MICAL2: variants seen among roughly 807,000 people sequenced by gnomAD.
MICAL2 encodes the protein microtubule associated monooxygenase, calponin and LIM domain containing 2.
MICAL2 carries 77 observed loss-of-function variants against 127.3 expected under a neutral mutation model. The observed-to-expected ratio is 0.60, with a 90% CI of 0.50 to 0.73. MICAL2 has a LOEUF of 0.73. MICAL2 is among the 30% of genes least tolerant of loss of function. MICAL2 has a pLI of 0.00. For synonymous variants in MICAL2, 570 were observed against 551.1 expected (o/e 1.03, Z -0.48); for missense variants, 1,351 against 1,434.4 (o/e 0.94, Z 0.94).
chr11:12,216,426 G>A (rs1339667909), intron 8 of MICAL2, 107 bp downstream of exon 8: 7 of 833,914 alleles, frequency 8.4e-6, no homozygotes, highest in South Asian at 1.5e-5. Flanking sequence ...AGGGGAGGAG[G>A]GGGGAAGGTG....
rs1857056125 is a variant in MICAL2, at chr11:12,223,428, C to T, written c.1467C>T (p.Ile489=). 6.2e-7 allele frequency: 1 copy of T among 1,613,956 alleles called. No homozygotes were observed. The change falls in exon 12 of 28, where the codon ATC becomes ATT. Residue 489 remains isoleucine (I), a synonymous_variant. Coordinates refer to ENST00000683283, the MANE Select transcript of MICAL2 (RefSeq NM_001282663.2). ...VRPHQVKHLY[I]TKELEHYPLE... ...GCTCATAGGTGAAGCATTTGTATATCACTAAGGAGCTGGAGCACTACCCTC... is the reference window on the plus strand; with the variant it reads ...GCTCATAGGTGAAGCATTTGTATATTACTAAGGAGCTGGAGCACTACCCTC...
intron 1 of MICAL2, among the ~76,000 whole-genome samples, chr11:12,118,737 C>G (rs879307744): frequency 6.6e-6 from 1 of 152,150 alleles, no homozygotes; most frequent in Admixed American, 6.5e-5. Context: ...GTTAATGAAT[C>G]CTAGTATTTT....
downstream of MICAL2, chr11:12,293,550 A>C (rs745998562): frequency 6.4e-7 from 1 of 1,571,052 alleles, no homozygotes; most frequent in Admixed American, 1.9e-5. Flanking sequence ...ATTTTTGCCC[A>C]TCCCATCTAG....
At chr11:12,234,526 T>C (rs1858754279) in intron 15 of MICAL2, among the ~76,000 whole-genome samples, 1 of 152,232 alleles carries the variant, frequency 6.6e-6, no homozygotes, top group Admixed American at 6.5e-5. Flanking sequence ...TTAAAATCTT[T>C]TCCATTCACA....
At chr11:12,289,561 T>G (rs1205806683), downstream of MICAL2, among the ~76,000 whole-genome samples, 34 of 116,476 alleles carry the variant, frequency 2.9e-4, no homozygotes, top group Admixed American at 1.0e-3. Flanking sequence ...CTCTTGTTTT[T>G]TTTTGTTTTT....
intron 1 of MICAL2, among the ~76,000 whole-genome samples, chr11:12,132,535 A>C (rs539581437): frequency 4.1e-4 from 62 of 152,376 alleles, no homozygotes; most frequent in Admixed American, 3.2e-3. Flanking sequence ...ATAATCCCCC[A>C]TGACTGGGGC....
upstream of MICAL2, among the ~76,000 whole-genome samples, chr11:12,271,091 G>A (rs747840274): frequency 7.2e-5 from 11 of 152,172 alleles, no homozygotes; most frequent in Non-Finnish European, 1.2e-4. Context: ...CTTGGACCCG[G>A]CACTTAGGAT....
intron 2 of MICAL2, among the ~76,000 whole-genome samples, chr11:12,285,956 A>T (rs1034041820): frequency 5.3e-5 from 8 of 152,014 alleles, no homozygotes; most frequent in Admixed American, 5.2e-4. Flanking sequence ...CACCGTCCCC[A>T]TCCTTTCTCT....
intron 32 of MICAL2, among the ~76,000 whole-genome samples, chr11:12,330,903 GTGTGT>G (rs1864418673): frequency 1.0e-5 from 1 of 98,998 alleles, no homozygotes; most frequent in African/African-American, 6.0e-5. Flanking sequence ...GAGAGAGAGT[GTGTGT>G]GTGTGTGTGT....
chr11:12,180,713 A>G (rs1293127972), intron 3 of MICAL2, among the ~76,000 whole-genome samples: 2 of 151,976 alleles, frequency 1.3e-5, no homozygotes, highest in Non-Finnish European at 2.9e-5. Flanking sequence ...CTTGCCTAGA[A>G]TTTCCTGGGG....
chr11:12,268,698 G>A (rs1179193157), downstream of MICAL2, among the ~76,000 whole-genome samples: 1 of 152,218 alleles, frequency 6.6e-6, no homozygotes, highest in Non-Finnish European at 1.5e-5. Flanking sequence ...CTCAGATAAA[G>A]AGGCCAACTC....
At chr11:12,285,179 C>T (rs2134771385) in intron 2 of MICAL2, among the ~76,000 whole-genome samples, 1 of 152,084 alleles carries the variant, frequency 6.6e-6, no homozygotes, top group South Asian at 2.1e-4. Context: ...GAGTCAGTTC[C>T]TGAGTGGGGG....
intron 3 of MICAL2, among the ~76,000 whole-genome samples, chr11:12,165,177 T>G (rs118086537): frequency 1.4e-5 from 2 of 147,514 alleles, no homozygotes; most frequent in Non-Finnish European, 3.0e-5. Context: ...AAGAAAGAAA[T>G]AAAAAAATCA....
intron 1 of MICAL2, among the ~76,000 whole-genome samples, chr11:12,116,501 C>T (rs1416596983): frequency 6.6e-6 from 1 of 152,060 alleles, no homozygotes; most frequent in Non-Finnish European, 1.5e-5. Context: ...AATGGCCAAA[C>T]ACCCTGCTCC....
At chr11:12,283,343 T>TAAAAAAAAAAAAAAAA in intron 2 of MICAL2, among the ~76,000 whole-genome samples, 1 of 132,586 alleles carries the variant, frequency 7.5e-6, no homozygotes, top group Non-Finnish European at 1.6e-5. Flanking sequence ...GTGTGGAGTT[T>TAAAAAAAAAAAAAAAA]AAAAAAAAAA....
downstream of MICAL2, among the ~76,000 whole-genome samples, chr11:12,264,746 A>T (rs1863545299): frequency 6.6e-6 from 1 of 152,142 alleles, no homozygotes; most frequent in South Asian, 2.1e-4. Flanking sequence ...ACTTCCATTT[A>T]AGGAGGGATG....
intron 32 of MICAL2, among the ~76,000 whole-genome samples, chr11:12,347,012 T>C (rs16911142): frequency 0.037 from 5,559 of 152,274 alleles, 189 homozygotes; most frequent in Admixed American, 0.11. Flanking sequence ...TTAGCACTAC[T>C]CTCTGTGATG....
rs59677738 is a variant in MICAL2, at chr11:12,268,834, CAA to C, written c.3335-7138_3335-7137del. On this transcript the variant is annotated intron_variant, in intron 24 of 34. Transcript: ENST00000646065. ...TGAAACACTGTCTCTACTAAAAATA[CAA>C]AAAAAAAAAAAAATTAGCCAGGCGT... 7.8e-3 allele frequency among the ~76,000 whole-genome samples: 1,115 copies of C among 143,752 alleles called. 11 individuals carry two copies. Among genetic ancestry groups the C allele is most frequent in the African/African-American group, 0.02 (774 of 38,422 alleles). 94.3% of individuals were successfully genotyped at this position (143,752 alleles called of 152,430 possible).
chr11:12,173,441 A>G (rs1856501352), intron 3 of MICAL2, among the ~76,000 whole-genome samples: 1 of 152,240 alleles, frequency 6.6e-6, no homozygotes, highest in Non-Finnish European at 1.5e-5. Flanking sequence ...GTTTACTTGC[A>G]GCTGCCTGTT....
Sources: gnomAD v4.1 joint callset for allele counts (sites outside exome capture counted in the v4.1 genomes callset) on GRCh38, gnomAD v4.1.1 for gene constraint, MANE v1.5 for transcripts, NCBI Gene and HGNC (gene_info 2026-07-23, HGNC 2026-07-21) for gene names.